FOXP1: variants seen among roughly 807,000 people sequenced by gnomAD.
The protein encoded by FOXP1 is forkhead box protein P1.
Under a neutral mutation model 98.2 loss-of-function variants are expected in FOXP1, and 15 were observed. That is an observed-to-expected ratio of 0.15 (90% confidence interval 0.10 to 0.24). The LOEUF (loss-of-function observed/expected upper bound fraction) is 0.24. Among genes scored for constraint, FOXP1 ranks in the 10% least tolerant of loss-of-function variants. FOXP1 has a pLI of 1.00. For synonymous variants in FOXP1, 371 were observed against 314.5 expected (o/e 1.18, Z -1.90); for missense variants, 633 against 848.5 (o/e 0.75, Z 3.15).
rs149806305 is a variant in FOXP1 at position 71,498,028 on chromosome 3, A to G, written c.-297-4473T>C. On this transcript the variant is annotated intron_variant, in intron 2 of 20. Coordinates refer to ENST00000649528, the MANE Select transcript of FOXP1 (RefSeq NM_001349338.3). Reference sequence around the variant, plus strand: ...GAAGCTTTCTCCCTTTTCAATTTACATATTTAAAAATGCATGCGTTCTGGC... The same window carrying G: ...GAAGCTTTCTCCCTTTTCAATTTACGTATTTAAAAATGCATGCGTTCTGGC... 8.5e-3 allele frequency among the ~76,000 whole-genome samples: 1,302 copies of G among 152,322 alleles called. 17 individuals are homozygous for G. Among genetic ancestry groups the G allele is most frequent in the African/African-American group, 0.03 (1,244 of 41,580 alleles).
At chr3:71,445,220 C>G (rs1012401986) in intron 3 of FOXP1, among the ~76,000 whole-genome samples, 2 of 152,094 alleles carry the variant, frequency 1.3e-5, no homozygotes, top group Non-Finnish European at 1.5e-5. Flanking sequence ...CTTCACAAAC[C>G]GTAAGTGGCA....
chr3:71,408,879 A>G (rs904920554), intron 3 of FOXP1, among the ~76,000 whole-genome samples: 2 of 152,342 alleles, frequency 1.3e-5, no homozygotes, highest in African/African-American at 4.8e-5. Flanking sequence ...TAGAGGCAGA[A>G]TCGATGAACA....
chr3:71,557,929 G>A (rs1274954802), intron 2 of FOXP1, among the ~76,000 whole-genome samples: 2 of 152,198 alleles, frequency 1.3e-5, no homozygotes, highest in South Asian at 2.1e-4. Flanking sequence ...TGATTCTCCT[G>A]CCTCAGCCTC....
intron 17 of FOXP1, 49 bp from the exon 18 acceptor site, chr3:70,972,725 A>C (rs2107204419): frequency 6.3e-7 from 1 of 1,595,126 alleles, no homozygotes; most frequent in East Asian, 2.2e-5. Context: ...ATAAGAAAAG[A>C]CTCCAAAAAC....
chr3:71,464,060 T>C (rs2088442221), intron 3 of FOXP1, among the ~76,000 whole-genome samples: 1 of 152,148 alleles, frequency 6.6e-6, no homozygotes, highest in African/African-American at 2.4e-5. Context: ...GGAGGACTGC[T>C]TAAGCTCAGG....
chr3:70,979,279 CAAAAAAAAA>C (rs544916383), intron 14 of FOXP1, among the ~76,000 whole-genome samples: 19 of 42,542 alleles, frequency 4.5e-4, no homozygotes, highest in Admixed American at 2.5e-3. Flanking sequence ...GACTCTACCT[CAAAAAAAAA>C]AAAAAAAAAA....
intron 3 of FOXP1, among the ~76,000 whole-genome samples, chr3:71,381,067 C>G (rs530211333): frequency 6.6e-6 from 1 of 152,002 alleles, no homozygotes; most frequent in African/African-American, 2.4e-5. Context: ...CAACATTTGA[C>G]CTGGTCGTCC....
intron 7 of FOXP1, among the ~76,000 whole-genome samples, chr3:71,084,564 A>C (rs1297018574): frequency 6.6e-6 from 1 of 152,216 alleles, no homozygotes; most frequent in Non-Finnish European, 1.5e-5. Context: ...TACATTCTGG[A>C]GAAATACACA....
At chr3:71,130,001 T>C (rs756575406) in intron 6 of FOXP1, among the ~76,000 whole-genome samples, 55 of 152,244 alleles carry the variant, frequency 3.6e-4, no homozygotes, top group Non-Finnish European at 6.5e-4. Context: ...CTGACTTTTA[T>C]TGGCATGAAA....
At chr3:71,133,332 T>C (rs1428840559) in intron 6 of FOXP1, among the ~76,000 whole-genome samples, 1 of 152,210 alleles carries the variant, frequency 6.6e-6, no homozygotes, top group Admixed American at 6.5e-5. Flanking sequence ...AACCTCATAA[T>C]AACATCATTA....
chr3:71,075,879 T>C (rs2053757226), intron 7 of FOXP1, among the ~76,000 whole-genome samples: 1 of 152,052 alleles, frequency 6.6e-6, no homozygotes, highest in African/African-American at 2.4e-5. Context: ...CAGGCCTGGC[T>C]AATTTTTTAT....
chr3:71,361,297 A>AC (rs1247813061), intron 3 of FOXP1, among the ~76,000 whole-genome samples: 1 of 152,114 alleles, frequency 6.6e-6, no homozygotes, highest in African/African-American at 2.4e-5. Context: ...CAGTGGATTT[A>AC]CACTGGCTGC....
At chr3:71,433,552 T>C (rs754944394) in intron 3 of FOXP1, among the ~76,000 whole-genome samples, 6 of 152,132 alleles carry the variant, frequency 3.9e-5, no homozygotes, top group Non-Finnish European at 8.8e-5. Context: ...TAATCTCAGA[T>C]TGTGCAAGGG....
At chr3:71,192,004 G>T (rs1015823890) in intron 6 of FOXP1, among the ~76,000 whole-genome samples, 1 of 152,114 alleles carries the variant, frequency 6.6e-6, no homozygotes, top group Admixed American at 6.5e-5. Flanking sequence ...GCAAGGGAAG[G>T]TGCTAGCCCC....
intron 3 of FOXP1, among the ~76,000 whole-genome samples, chr3:71,413,276 A>G (rs2082931457): frequency 7.1e-6 from 1 of 140,022 alleles, no homozygotes. Flanking sequence ...ACACACACAC[A>G]CACACACACA....
intron 2 of FOXP1, among the ~76,000 whole-genome samples, chr3:71,528,568 G>T (rs1346812002): frequency 6.6e-6 from 1 of 152,176 alleles, no homozygotes; most frequent in Non-Finnish European, 1.5e-5. Flanking sequence ...TATTGTCATG[G>T]AACACAGAGG....
At chr3:71,400,561 T>C (rs1446120594) in intron 3 of FOXP1, among the ~76,000 whole-genome samples, 1 of 152,176 alleles carries the variant, frequency 6.6e-6, no homozygotes, top group Non-Finnish European at 1.5e-5. Flanking sequence ...TTTCACCATG[T>C]TGGCCAGGCT....
chr3:71,218,481 T>G (rs1453039454), intron 5 of FOXP1, among the ~76,000 whole-genome samples: 1 of 152,216 alleles, frequency 6.6e-6, no homozygotes, highest in African/African-American at 2.4e-5. Context: ...TCATTCTTTT[T>G]AATGAGCATC....
At chr3:71,176,141 G>A (rs1302050691) in intron 6 of FOXP1, among the ~76,000 whole-genome samples, 3 of 152,158 alleles carry the variant, frequency 2.0e-5, no homozygotes. Context: ...TAGGGTTCAA[G>A]CCTGTTACAT....
Sources: allele counts gnomAD v4.1 joint callset (sites outside exome capture counted in the v4.1 genomes callset), GRCh38; gene constraint gnomAD v4.1.1; transcripts MANE v1.5; gene names NCBI Gene and HGNC (gene_info 2026-07-23, HGNC 2026-07-21).